The following BTBD7 variants were observed in gnomAD, a reference collection of about 807,000 sequenced individuals.
The protein encoded by BTBD7 is BTB/POZ domain-containing protein 7.
BTBD7 carries 38 observed loss-of-function variants against 99.9 expected under a neutral mutation model. That is an observed-to-expected ratio of 0.38 (90% confidence interval 0.29 to 0.50). The LOEUF is 0.50. Among genes scored for constraint, BTBD7 ranks in the 20% least tolerant of loss-of-function variants. BTBD7 has a pLI of 0.93. For missense variants in BTBD7, 1,170 were observed against 1,394.6 expected (o/e 0.84, Z 2.57); for synonymous variants, 520 against 511.4 (o/e 1.02, Z -0.23).
chr14:93,290,078 C>T (rs1451764708), intron 3 of BTBD7, among the ~76,000 whole-genome samples: 1 of 152,016 alleles, frequency 6.6e-6, no homozygotes, highest in Non-Finnish European at 1.5e-5. Context: ...GTCTCGAACT[C>T]CTGACTTCAG....
intron 3 of BTBD7, among the ~76,000 whole-genome samples, chr14:93,281,356 C>G (rs996690309): frequency 2.0e-5 from 3 of 152,074 alleles, no homozygotes; most frequent in African/African-American, 7.2e-5. Context: ...AGGCAGGTCT[C>G]AAACTCCTGG....
At chr14:93,327,295 C>G (rs949562737) in intron 1 of BTBD7, among the ~76,000 whole-genome samples, 4 of 152,190 alleles carry the variant, frequency 2.6e-5, no homozygotes, top group Non-Finnish European at 5.9e-5. Flanking sequence ...ACTGAATGCC[C>G]CTGTGCCAGG....
Position 93,251,680 on chromosome 14 carries a change from A to C in BTBD7, c.1753-28T>G, listed in dbSNP as rs951302172. On this transcript the variant is annotated intron_variant, in intron 7 of 10. Transcript: ENST00000334746. ...GAAATAATCATTCAGTATTAACAAA[A>C]CCAGTCAACCTTCCTCTGTTAAATC... 7 of 1,492,980 alleles carry C rather than the reference A, an allele frequency of 4.7e-6. No individual in the cohort carries two copies. In the African/African-American group the frequency reaches 8.3e-5, roughly 18 times the overall value. 92.5% of individuals were successfully genotyped at this position (1,492,980 alleles called of 1,614,324 possible). A position where few individuals can be genotyped will look rare whatever the true frequency, so the allele number is the denominator to read the frequency against.
Position 93,238,890 on chromosome 14 carries a change from T to A in BTBD7, c.*3383A>T, listed in dbSNP as rs1171170977. On this transcript the variant is annotated 3_prime_UTR_variant, in exon 11 of 11. Coordinates refer to ENST00000334746, the MANE Select transcript of BTBD7 (RefSeq NM_001002860.4). ...CAAAAATCCAATGAAGGATGGCAGA[T>A]GCAATAAAAAGTTTCTGAGGAAGCA... 4 of 152,206 alleles carry A rather than the reference T, an allele frequency of 2.6e-5. No homozygotes were observed. Among genetic ancestry groups the A allele is most frequent in the East Asian group, 1.9e-4 (1 of 5,192 alleles). 9.4% of individuals were successfully genotyped at this position (152,206 alleles called of 1,614,324 possible).
intron 5 of BTBD7, among the ~76,000 whole-genome samples, chr14:93,260,183 G>A (rs1198081797): frequency 1.3e-5 from 2 of 152,118 alleles, no homozygotes; most frequent in Non-Finnish European, 2.9e-5. Flanking sequence ...ATTTAAAAAT[G>A]TGACAAAACA....
At chr14:93,291,775 T>C (rs1301032846) in intron 3 of BTBD7, among the ~76,000 whole-genome samples, 1 of 113,012 alleles carries the variant, frequency 8.8e-6, no homozygotes, top group East Asian at 2.6e-4. Context: ...AAAATACAAC[T>C]TTTAGCTAAA....
intron 8 of BTBD7, among the ~76,000 whole-genome samples, chr14:93,249,302 CAGA>C (rs2052346841): frequency 2.2e-5 from 3 of 135,770 alleles, no homozygotes; most frequent in African/African-American, 8.7e-5. Context: ...GCTGTCTCAG[CAGA>C]AGGACTGGGT....
At position 93,294,329 on chromosome 14, in the gene BTBD7, T is replaced by C. The variant is rs938723736; in HGVS notation, c.691A>G (p.Asn231Asp). 8 of 1,614,070 alleles carry C rather than the reference T, an allele frequency of 5.0e-6. No individual in the cohort carries two copies. Among genetic ancestry groups the C allele is most frequent in the Non-Finnish European group, 6.8e-6 (8 of 1,180,044 alleles). ...CCACGCATATCTACATCAAGGGAAT[T>C]TGGTGTTCCAAATTCTTCACTAAGC... ...VQLSEEFGTPNSLDVDMRGLF... is the reference protein window; with the variant it reads ...VQLSEEFGTPDSLDVDMRGLF... The change falls in exon 3 of 11, where the codon AAT (asparagine) becomes GAT (aspartate). Residue 231 changes from asparagine to aspartate, a missense_variant. Coordinates refer to ENST00000334746, the MANE Select transcript of BTBD7 (RefSeq NM_001002860.4).
At chr14:93,283,018 T>C (rs2052738728) in intron 3 of BTBD7, among the ~76,000 whole-genome samples, 1 of 152,260 alleles carries the variant, frequency 6.6e-6, no homozygotes, top group Non-Finnish European at 1.5e-5. Flanking sequence ...AATTTTATTA[T>C]CAGAGAAAAG....
At chr14:93,284,343 T>C (rs1335830916) in intron 3 of BTBD7, among the ~76,000 whole-genome samples, 4 of 152,208 alleles carry the variant, frequency 2.6e-5, no homozygotes, top group African/African-American at 7.2e-5. Flanking sequence ...CATGTAAACT[T>C]ACTTTTATAA....
intron 1 of BTBD7, among the ~76,000 whole-genome samples, chr14:93,310,742 AAAAC>A (rs1258954054): frequency 1.3e-5 from 2 of 151,920 alleles, no homozygotes; most frequent in Non-Finnish European, 2.9e-5. Context: ...TCTGTTTCCA[AAAAC>A]AAACAAACAA....
chr14:93,319,423 T>C (rs547069793), intron 1 of BTBD7, among the ~76,000 whole-genome samples: 1 of 152,268 alleles, frequency 6.6e-6, no homozygotes, highest in South Asian at 2.1e-4. Context: ...AATACATAAA[T>C]GGAATACTAT....
chr14:93,332,687 G>T, intron 1 of BTBD7, 133 bp downstream of exon 1: 1 of 1,250,920 alleles, frequency 8.0e-7, no homozygotes, highest in Non-Finnish European at 1.0e-6. Flanking sequence ...GCGCCCCAGC[G>T]CCTCCCGCGG....
chr14:93,266,223 C>G (rs907482718), intron 3 of BTBD7, among the ~76,000 whole-genome samples: 2 of 151,670 alleles, frequency 1.3e-5, no homozygotes. Flanking sequence ...AGATCTGAAG[C>G]AATCTCAGGC....
At chr14:93,300,679 G>A (rs896237588) in intron 1 of BTBD7, among the ~76,000 whole-genome samples, 4 of 149,690 alleles carry the variant, frequency 2.7e-5, no homozygotes, top group African/African-American at 9.9e-5. Flanking sequence ...GGGACTACAG[G>A]CGTGTGCCAT....
chr14:93,304,375 G>A (rs143742941), intron 1 of BTBD7, among the ~76,000 whole-genome samples: 2,137 of 152,258 alleles, frequency 0.014, 23 homozygotes, highest in Middle Eastern at 0.034. Flanking sequence ...TTTTTGAGAC[G>A]GAGTCTCGTG....
In BTBD7 at chr14:93,333,020, A is replaced by C; in HGVS notation, c.-307T>G. 1 of 514,402 alleles carries C rather than the reference A, an allele frequency of 1.9e-6. No individual in the cohort carries two copies. The highest frequency in any genetic ancestry group is 3.3e-6 in the Non-Finnish European group (1 of 301,114). 31.9% of individuals were successfully genotyped at this position (514,402 alleles called of 1,614,324 possible). A position where few individuals can be genotyped will look rare whatever the true frequency, so the allele number is the denominator to read the frequency against. ...CCAGGTTCCCCTCGCCGCCATTTTGACTCCTAGACGGAGCAGGAGGGGCTC... is the reference window on the plus strand; with the variant it reads ...CCAGGTTCCCCTCGCCGCCATTTTGCCTCCTAGACGGAGCAGGAGGGGCTC... On this transcript the variant is annotated 5_prime_UTR_variant, in exon 1 of 11. Coordinates refer to ENST00000334746, the MANE Select transcript of BTBD7 (RefSeq NM_001002860.4).
Position 93,240,646 on chromosome 14 carries a change from ATG to A in BTBD7, c.*1625_*1626del, listed in dbSNP as rs2052215127. ...TTCTAAGTGCTACGGCTGTGTGTTT[ATG>A]TGTTTGTAAAAATACAAAGTAAATG... On this transcript the variant is annotated 3_prime_UTR_variant, in exon 11 of 11. Transcript: ENST00000334746. 1 of 152,618 alleles carries A rather than the reference ATG, an allele frequency of 6.6e-6. No homozygotes were observed. Among genetic ancestry groups the A allele is most frequent in the South Asian group, 2.1e-4 (1 of 4,832 alleles). 9.5% of individuals were successfully genotyped at this position (152,618 alleles called of 1,614,324 possible).
chr14:93,270,779 G>A (rs2052593306), intron 3 of BTBD7, among the ~76,000 whole-genome samples: 3 of 151,794 alleles, frequency 2.0e-5, no homozygotes. Flanking sequence ...ATGGATAAAA[G>A]GCACCAATAC....
Sources: gnomAD v4.1 joint callset for allele counts (sites outside exome capture counted in the v4.1 genomes callset) on GRCh38, gnomAD v4.1.1 for gene constraint, MANE v1.5 for transcripts, NCBI Gene and HGNC (gene_info 2026-07-23, HGNC 2026-07-21) for gene names.